MTMR8: variants seen among roughly 807,000 people sequenced by gnomAD.
MTMR8 encodes myotubularin related protein 8.
Under a neutral mutation model 39.3 loss-of-function variants are expected in MTMR8, and 65 were observed. The observed-to-expected ratio is 1.65, with a 90% CI of 1.35 to 2.03. MTMR8 has a LOEUF of 2.03. MTMR8 is among the 30% of genes most tolerant of loss of function. The pLI is 0.00. For synonymous variants in MTMR8, 245 were observed against 185.2 expected, an observed-to-expected ratio of 1.32 and a Z score of -2.62; for missense variants, 777 against 538.9, an observed-to-expected ratio of 1.44 and a Z score of -4.37.
chrX:64,372,323 T>A (rs1432858497), intron 1 of MTMR8, among the ~76,000 whole-genome samples: 1 of 111,291 alleles, frequency 9.0e-6, no homozygotes, highest in South Asian at 3.7e-4. Flanking sequence ...CCATTATATA[T>A]GTAGTTATAC....
intron 1 of MTMR8, among the ~76,000 whole-genome samples, chrX:64,374,832 G>GGA (rs1438584251): frequency 1.8e-5 from 2 of 109,981 alleles, no homozygotes; most frequent in Non-Finnish European, 3.8e-5. Context: ...CAGACAGAGA[G>GGA]GAGACGGCAC....
In MTMR8 at chrX:64,270,330, G is replaced by A. The variant is rs760516727; in HGVS notation, c.1608+617C>T. On this transcript the variant is annotated intron_variant, in intron 13 of 13. Coordinates refer to ENST00000374852, the MANE Select transcript of MTMR8 (RefSeq NM_017677.4). ...CTGGCTTAAAGTGGGTTCACACCCA[G>A]TTCCTAAATAGCACACCATTTCCAA... Among the ~76,000 whole-genome samples, 220 of 112,291 alleles carry A rather than the reference G, an allele frequency of 2.0e-3. 2 individuals carry two copies. The highest frequency in any genetic ancestry group is 6.4e-3 in the African/African-American group (197 of 30,969).
At chrX:64,280,941 A>G (rs1265404096) in intron 12 of MTMR8, among the ~76,000 whole-genome samples, 3 of 111,420 alleles carry the variant, frequency 2.7e-5, no homozygotes, top group Non-Finnish European at 5.6e-5. Flanking sequence ...AATGAACTTC[A>G]TTCACAATTG....
In MTMR8 at chrX:64,350,045, A is replaced by C. The variant is rs1309118889; in HGVS notation, c.494T>G (p.Ile165Arg). 6.0e-6 allele frequency: 7 copies of C among 1,175,808 alleles called. No homozygotes were observed. The highest frequency in any genetic ancestry group is 8.0e-6 in the Non-Finnish European group (7 of 874,510). ...YEICSTYPPEIVVPKSVTLGT... is the reference protein window; with the variant it reads ...YEICSTYPPERVVPKSVTLGT... Reference sequence around the variant, plus strand: ...CAAGGTAACAGATTTAGGAACCACTATTTCAGGAGGGTAGGTGCTGCATAT... The same window carrying C: ...CAAGGTAACAGATTTAGGAACCACTCTTTCAGGAGGGTAGGTGCTGCATAT... The change falls in exon 5 of 14, where the codon ATA (isoleucine) becomes AGA (arginine). Residue 165 changes from isoleucine to arginine, a missense_variant. Transcript: ENST00000374852.
At chrX:64,295,859 G>A (rs1056486966) in intron 12 of MTMR8, among the ~76,000 whole-genome samples, 3 of 111,925 alleles carry the variant, frequency 2.7e-5, no homozygotes, top group African/African-American at 6.5e-5. Flanking sequence ...CATTGCTGAT[G>A]GGAATGTAAA....
chrX:64,337,506 C>T (rs751583273), intron 8 of MTMR8, 113 bp from the exon 9 acceptor site: 2 of 834,196 alleles, frequency 2.4e-6, no homozygotes, highest in South Asian at 2.5e-5. Context: ...TTATGGGCTA[C>T]ATTAATTTTT....
intron 1 of MTMR8, among the ~76,000 whole-genome samples, chrX:64,367,137 A>AC (rs1409931985): frequency 8.9e-6 from 1 of 111,774 alleles, no homozygotes; most frequent in Non-Finnish European, 1.9e-5. Context: ...ACCAAAAAAA[A>AC]GTCCAGGACC....
intron 12 of MTMR8, chrX:64,305,885 G>T: frequency 3.9e-6 from 1 of 256,635 alleles, no homozygotes; most frequent in South Asian, 5.8e-5. Flanking sequence ...GGAGGCTGAG[G>T]CAGGAGGATT....
At chrX:64,287,186 C>T (rs1921214188) in intron 12 of MTMR8, among the ~76,000 whole-genome samples, 1 of 111,143 alleles carries the variant, frequency 9.0e-6, no homozygotes, top group African/African-American at 3.3e-5. Flanking sequence ...AAACAGAGAG[C>T]CAAATCATGA....
At chrX:64,361,441 C>G (rs1923777379) in intron 1 of MTMR8, among the ~76,000 whole-genome samples, 1 of 111,147 alleles carries the variant, frequency 9.0e-6, no homozygotes, top group Non-Finnish European at 1.9e-5. Flanking sequence ...ACAAAAAATG[C>G]TAAATAATGT....
chrX:64,275,527 T>A (rs1232499575), intron 12 of MTMR8, among the ~76,000 whole-genome samples: 2 of 107,627 alleles, frequency 1.9e-5, no homozygotes, highest in Non-Finnish European at 3.8e-5. Context: ...GAGGCCCCCA[T>A]CGCTAAAAAA....
chrX:64,325,680 C>T lies in MTMR8; in HGVS notation c.1481+3092G>A, dbSNP rs921079033. Among the ~76,000 whole-genome samples, 16 of 112,261 alleles carry T rather than the reference C, an allele frequency of 1.4e-4. 1 individual carries two copies. Among genetic ancestry groups the T allele is most frequent in the African/African-American group, 5.2e-4 (16 of 30,897 alleles). ...ACATATGACAAACCCACAGCTAACA[C>T]CATATTGAACAGGGAAAAGTTGGAA... On this transcript the variant is annotated intron_variant, in intron 12 of 13. Coordinates refer to ENST00000374852, the MANE Select transcript of MTMR8 (RefSeq NM_017677.4).
At chrX:64,279,696 A>G (rs1230975002) in intron 12 of MTMR8, among the ~76,000 whole-genome samples, 1 of 111,968 alleles carries the variant, frequency 8.9e-6, no homozygotes, top group African/African-American at 3.2e-5. Context: ...GAAAAATAAG[A>G]CAAAGTTGGA....
intron 6 of MTMR8, among the ~76,000 whole-genome samples, chrX:64,347,815 A>C (rs983607070): frequency 8.9e-6 from 1 of 112,529 alleles, no homozygotes; most frequent in South Asian, 3.7e-4. Flanking sequence ...TCTACAGCCC[A>C]TATAGAGCCA....
At chrX:64,312,980 A>T (rs1321607342) in intron 12 of MTMR8, among the ~76,000 whole-genome samples, 1 of 112,292 alleles carries the variant, frequency 8.9e-6, no homozygotes, top group Non-Finnish European at 1.9e-5. Context: ...TGTTCTATTT[A>T]TAGAGCACAG....
intron 12 of MTMR8, among the ~76,000 whole-genome samples, chrX:64,281,614 G>A: frequency 9.0e-6 from 1 of 111,731 alleles, no homozygotes; most frequent in African/African-American, 3.2e-5. Flanking sequence ...GAAAATCTAG[G>A]CAATACCATT....
chrX:64,383,290 T>G (rs1246853885), intron 1 of MTMR8, among the ~76,000 whole-genome samples: 2 of 109,976 alleles, frequency 1.8e-5, no homozygotes, highest in African/African-American at 6.6e-5. Context: ...TGGAGGCATA[T>G]AAATACAGAT....
At chrX:64,269,185 A>G (rs1214029873) in intron 13 of MTMR8, 142 bp from the exon 14 acceptor site, 3 of 544,217 alleles carry the variant, frequency 5.5e-6, no homozygotes, top group Non-Finnish European at 5.8e-6. Context: ...CCCCCACAAC[A>G]TCTTTCCCTC....
chrX:64,345,093 T>A lies in MTMR8; in HGVS notation c.817A>T (p.Ile273Phe). The A allele has an allele frequency of 8.3e-7, 1 of 1,211,151 alleles. No homozygotes were observed. The highest frequency in any genetic ancestry group is 1.1e-6 in the Non-Finnish European group (1 of 894,817). ...CTCCGCATTACATGGATGTTCTCAA[T>A]GCCCATGAATCTGAAGCGAATGTTG... The part of the protein sequence containing the change: ...YANIRFRFMG[I>F]ENIHVMRSSL... Residue 273 changes from isoleucine to phenylalanine, a missense_variant, in exon 7 of 14, where the codon ATT (isoleucine) becomes TTT (phenylalanine). Coordinates refer to ENST00000374852, the MANE Select transcript of MTMR8 (RefSeq NM_017677.4).
Sources: allele counts gnomAD v4.1 joint callset (sites outside exome capture counted in the v4.1 genomes callset), GRCh38; gene constraint gnomAD v4.1.1; transcripts MANE v1.5; gene names NCBI Gene and HGNC (gene_info 2026-07-23, HGNC 2026-07-21).